The following MLF1 variants were observed in gnomAD, a reference collection of about 807,000 sequenced individuals.
The protein encoded by MLF1 is myelodysplasia-myeloid leukemia factor 1.
A neutral mutation model predicts 38.3 loss-of-function variants in MLF1; 37 were observed. That is an observed-to-expected ratio of 0.96 (90% confidence interval 0.74 to 1.27). MLF1 has a LOEUF of 1.27. Among genes scored for constraint, MLF1 ranks in the 50% most tolerant of loss-of-function variants. MLF1 has a pLI of 0.00. For synonymous variants in MLF1, 95 were observed against 106.5 expected (o/e 0.89, Z 0.66); for missense variants, 331 against 349.2 (o/e 0.95, Z 0.42).
Position 158,591,159 on chromosome 3 carries a change from CTTTTTTTT to C in MLF1, c.48-1264_48-1257del. The stretch of plus-strand genomic sequence containing the variant: ...TGAGCTGGAGTTGCAAGGAAAATTT[CTTTTTTTT>C]TTTTTTTTTTGAGACAGAGTCTGGC... On this transcript the variant is annotated intron_variant, in intron 1 of 7. Coordinates refer to ENST00000466246, the MANE Select transcript of MLF1 (RefSeq NM_001369783.1). 1.3e-5 allele frequency: 5 copies of C among 395,460 alleles called. 1 individual carries two copies. The highest frequency in any genetic ancestry group is 7.2e-5 in the East Asian group (1 of 13,896). The allele number at this position is 395,460 out of a possible 1,614,324, so 24.5% of individuals were successfully genotyped here.
intron 1 of MLF1, among the ~76,000 whole-genome samples, 198 bp downstream of exon 1, chr3:158,571,545 G>A (rs1001436306): frequency 3.4e-5 from 5 of 148,016 alleles, no homozygotes; most frequent in African/African-American, 1.0e-4. Flanking sequence ...ACAGGGAAGA[G>A]ACGGATTTGG....
rs769444834 is a variant in MLF1, at chr3:158,600,192, AT to A, written c.613+20del. 122 of 1,371,490 alleles carry A rather than the reference AT, an allele frequency of 8.9e-5. No homozygotes were observed. The highest frequency in any genetic ancestry group is 3.8e-4 in the Admixed American group (14 of 36,852). The allele number at this position is 1,371,490 out of a possible 1,614,324, so 85.0% of individuals were successfully genotyped here. A position where few individuals can be genotyped will look rare whatever the true frequency, so the allele number is the denominator to read the frequency against. Reference sequence around the variant, plus strand: ...AATGAAAGTAAGTTATCACAAAAAAATAATATTCTTTCTTATAAATTTAAAA... The same window carrying A: ...AATGAAAGTAAGTTATCACAAAAAAAAATATTCTTTCTTATAAATTTAAAA... On this transcript the variant is annotated intron_variant, in intron 6 of 7. Transcript: ENST00000466246.
chr3:158,574,914 A>G (rs987349681), intron 1 of MLF1, among the ~76,000 whole-genome samples: 2 of 152,194 alleles, frequency 1.3e-5, no homozygotes, highest in Admixed American at 1.3e-4. Context: ...ATCCTTGATT[A>G]TACCAAAAGT....
chr3:158,593,766 T>A (rs1464515532), intron 3 of MLF1, among the ~76,000 whole-genome samples: 2 of 152,212 alleles, frequency 1.3e-5, no homozygotes, highest in African/African-American at 2.4e-5. Context: ...AAAGGTTTTT[T>A]AAAAAGTACT....
At chr3:158,580,237 A>C (rs987432265) in intron 1 of MLF1, among the ~76,000 whole-genome samples, 1 of 151,976 alleles carries the variant, frequency 6.6e-6, no homozygotes, top group African/African-American at 2.4e-5. Flanking sequence ...CCACCATGGC[A>C]CATGTTCACC....
At chr3:158,595,989 G>C (rs546187456) in intron 3 of MLF1, among the ~76,000 whole-genome samples, 1 of 152,232 alleles carries the variant, frequency 6.6e-6, no homozygotes, top group East Asian at 1.9e-4. Context: ...ATCAGTGGTA[G>C]ATTTTCCTAG....
chr3:158,593,322 A>G, intron 2 of MLF1, 60 bp from the exon 3 acceptor site: 2 of 1,297,274 alleles, frequency 1.5e-6, no homozygotes, highest in Non-Finnish European at 2.1e-6. Context: ...TAATTGGTAA[A>G]TTGAGAAACT....
intron 3 of MLF1, among the ~76,000 whole-genome samples, chr3:158,595,472 A>C (rs1176058642): frequency 6.6e-6 from 1 of 152,154 alleles, no homozygotes; most frequent in East Asian, 1.9e-4. Context: ...AGAAATACCC[A>C]AATGTCTAAT....
intron 1 of MLF1, among the ~76,000 whole-genome samples, chr3:158,590,040 T>G (rs1053671225): frequency 2.0e-5 from 3 of 152,184 alleles, no homozygotes; most frequent in African/African-American, 7.2e-5. Context: ...TGGTAAAAAC[T>G]GAAGACCTAA....
intron 6 of MLF1, among the ~76,000 whole-genome samples, chr3:158,601,807 T>C (rs1470864938): frequency 1.4e-3 from 4 of 2,928 alleles, no homozygotes; most frequent in Non-Finnish European, 2.0e-3. Context: ...AAAATTATTC[T>C]TTTTTTTTTT....
intron 1 of MLF1, among the ~76,000 whole-genome samples, chr3:158,586,403 A>G (rs2108594201): frequency 6.6e-6 from 1 of 152,250 alleles, no homozygotes; most frequent in Non-Finnish European, 1.5e-5. Flanking sequence ...CAAAATACTG[A>G]GAGGAAATAA....
chr3:158,587,863 T>C lies in MLF1; in HGVS notation c.48-4571T>C, dbSNP rs1476095746. Among the ~76,000 whole-genome samples, 96 of 152,156 alleles carry C rather than the reference T, an allele frequency of 6.3e-4. 2 individuals are homozygous for C. Among genetic ancestry groups the C allele is most frequent in the Admixed American group, 1.0e-3 (16 of 15,284 alleles). ...AAAATAGAAAAAAATTAGCCGGGCC[T>C]GGCGGCGTGCGCCTGTAGTCCCAGC... On this transcript the variant is annotated intron_variant, in intron 1 of 7. Transcript: ENST00000466246.
chr3:158,605,000 T>G, intron 7 of MLF1, 97 bp from the exon 8 acceptor site: 1 of 911,886 alleles, frequency 1.1e-6, no homozygotes, highest in Non-Finnish European at 1.6e-6. Context: ...AGATAAAACT[T>G]TTCTTATATT....
chr3:158,604,076 A>C (rs954046040), intron 7 of MLF1, among the ~76,000 whole-genome samples: 2 of 152,238 alleles, frequency 1.3e-5, no homozygotes, highest in African/African-American at 4.8e-5. Flanking sequence ...GTGAGTATCA[A>C]GTAAATCAGA....
intron 1 of MLF1, among the ~76,000 whole-genome samples, chr3:158,581,080 C>T (rs1439100492): frequency 6.6e-6 from 1 of 152,148 alleles, no homozygotes; most frequent in Non-Finnish European, 1.5e-5. Flanking sequence ...CAAATCTCTG[C>T]CCCCATAATT....
At chr3:158,589,164 A>G (rs990297664) in intron 1 of MLF1, among the ~76,000 whole-genome samples, 5 of 152,188 alleles carry the variant, frequency 3.3e-5, no homozygotes, top group African/African-American at 1.2e-4. Flanking sequence ...GGATGGTTCA[A>G]ATTCCATAAA....
At chr3:158,600,408 G>T (rs1719572930) in intron 6 of MLF1, among the ~76,000 whole-genome samples, 1 of 133,476 alleles carries the variant, frequency 7.5e-6, no homozygotes, top group South Asian at 2.5e-4. Flanking sequence ...TTGGAAAGTG[G>T]AATCTTTTGA....
intron 1 of MLF1, among the ~76,000 whole-genome samples, chr3:158,573,776 A>G (rs1350297118): frequency 2.6e-5 from 4 of 151,396 alleles, no homozygotes; most frequent in African/African-American, 9.7e-5. Context: ...CATATTTTTC[A>G]AACAATATCT....
chr3:158,598,017 G>T (rs1371051118), intron 4 of MLF1, 63 bp from the exon 5 acceptor site: 2 of 1,551,436 alleles, frequency 1.3e-6, no homozygotes, highest in South Asian at 1.1e-5. Flanking sequence ...TTACTTATTT[G>T]AACTCTCTGG....
Sources: gnomAD v4.1 joint callset for allele counts (sites outside exome capture counted in the v4.1 genomes callset) on GRCh38, gnomAD v4.1.1 for gene constraint, MANE v1.5 for transcripts, NCBI Gene and HGNC (gene_info 2026-07-23, HGNC 2026-07-21) for gene names.